The following THOC2 variants were observed in gnomAD, a reference collection of about 807,000 sequenced individuals.
THOC2 encodes THO complex 2.
A neutral mutation model predicts 128.4 loss-of-function variants in THOC2; 10 were observed. The observed-to-expected ratio is 0.08, with a 90% CI of 0.05 to 0.13. THOC2 has a LOEUF of 0.13. Among genes scored for constraint, THOC2 ranks in the 10% least tolerant of loss-of-function variants. The pLI is 1.00. For missense variants in THOC2, 535 were observed against 1,155.7 expected, an observed-to-expected ratio of 0.46 and a Z score of 7.79; for synonymous variants, 393 against 396.9, an observed-to-expected ratio of 0.99 and a Z score of 0.12.
At chrX:123,713,968 G>C (rs2051304814) in intron 1 of THOC2, among the ~76,000 whole-genome samples, 1 of 111,248 alleles carries the variant, frequency 9.0e-6, no homozygotes, top group South Asian at 3.7e-4. Flanking sequence ...TACAGAAAAA[G>C]ACAACAGAGG....
At chrX:123,723,988 C>A (rs1345217139) in intron 1 of THOC2, among the ~76,000 whole-genome samples, 1 of 111,500 alleles carries the variant, frequency 9.0e-6, no homozygotes, top group African/African-American at 3.3e-5. Flanking sequence ...GGTTTCATGA[C>A]TTCTCTGTAT....
At chrX:123,693,304 C>T (rs775998457) in intron 7 of THOC2, among the ~76,000 whole-genome samples, 1 of 111,320 alleles carries the variant, frequency 9.0e-6, no homozygotes, top group Non-Finnish European at 1.9e-5. Context: ...ACTAAAAACA[C>T]ACACACAAAA....
intron 25 of THOC2, among the ~76,000 whole-genome samples, chrX:123,625,388 G>A (rs1464933664): frequency 8.9e-6 from 1 of 111,818 alleles, no homozygotes; most frequent in African/African-American, 3.2e-5. Flanking sequence ...ATGAGCCACC[G>A]CACCCGGCCA....
chrX:123,608,401 AAAAC>A (rs1004907706), intron 38 of THOC2, among the ~76,000 whole-genome samples: 1 of 103,533 alleles, frequency 9.7e-6, no homozygotes, highest in African/African-American at 3.6e-5. Flanking sequence ...ACTCCATCTC[AAAAC>A]AAACAAACAA....
At chrX:123,659,663 A>G (rs17259498) in intron 12 of THOC2, among the ~76,000 whole-genome samples, 2,145 of 112,749 alleles carry the variant, frequency 0.019, 19 homozygotes, top group Non-Finnish European at 0.029. Flanking sequence ...CCTATATACT[A>G]CATACCTCAA....
chrX:123,636,968 G>A (rs2047698314), intron 18 of THOC2, among the ~76,000 whole-genome samples: 2 of 111,998 alleles, frequency 1.8e-5, no homozygotes, highest in Non-Finnish European at 3.8e-5. Flanking sequence ...TCAGACTTGT[G>A]GGTGGGAGCA....
At chrX:123,710,809 G>A (rs2051150069) in intron 2 of THOC2, among the ~76,000 whole-genome samples, 1 of 107,836 alleles carries the variant, frequency 9.3e-6, no homozygotes, top group Non-Finnish European at 1.9e-5. Flanking sequence ...GGCCAACATG[G>A]TGAAACCCCG....
chrX:123,654,262 G>A (rs962061276), intron 12 of THOC2, among the ~76,000 whole-genome samples: 3 of 109,883 alleles, frequency 2.7e-5, no homozygotes, highest in Non-Finnish European at 5.7e-5. Flanking sequence ...TAGCAGGGTA[G>A]GGGGTTAGGG....
At chrX:123,603,239 T>C (rs918447781) in intron 38 of THOC2, 4 of 140,496 alleles carry the variant, frequency 2.8e-5, no homozygotes, top group African/African-American at 1.3e-4. Context: ...ATAAAATTGC[T>C]GTTGCTGTTA....
chrX:123,680,691 C>T lies in THOC2; in HGVS notation c.768+5857G>A, dbSNP rs867698685. On this transcript the variant is annotated intron_variant, in intron 8 of 38. Coordinates refer to ENST00000245838, the MANE Select transcript of THOC2 (RefSeq NM_001081550.2). The stretch of plus-strand genomic sequence containing the variant: ...TAAGAGACATCTCAAACTTAACATG[C>T]GCAAAGTGAATTCCTAATTCTCCCT... Among the ~76,000 whole-genome samples the T allele has an allele frequency of 5.4e-5, 6 of 110,944 alleles. No homozygotes were observed. In the East Asian group the frequency reaches 1.4e-3, roughly 26 times the overall value.
At chrX:123,640,084 G>A (rs1448383710) in intron 16 of THOC2, among the ~76,000 whole-genome samples, 2 of 111,736 alleles carry the variant, frequency 1.8e-5, no homozygotes, top group African/African-American at 6.5e-5. Context: ...CTACTTGGGA[G>A]GCTGAGGCAG....
Position 123,708,095 on chromosome X carries a change from A to AAAAAAT in THOC2, c.131-1152_131-1147dup, listed in dbSNP as rs955874521. Reference sequence around the variant, plus strand: ...TGAGTTGTGATAGCACCATTGTCTCAAAAAATAAAAATAAAAATAAAAATA... The same window carrying AAAAAAT: ...TGAGTTGTGATAGCACCATTGTCTCAAAAAATAAAAATAAAAATAAAAATAAAAATA... On this transcript the variant is annotated intron_variant, in intron 2 of 38. Coordinates refer to ENST00000245838, the MANE Select transcript of THOC2 (RefSeq NM_001081550.2). Among the ~76,000 whole-genome samples the AAAAAAT allele has an allele frequency of 9.9e-5, 11 of 111,105 alleles. No homozygotes were observed. The South Asian group carries it at 1.5e-3, about 15-fold the overall frequency.
Position 123,631,549 on chromosome X carries a change from C to T in THOC2, c.2481+139G>A, listed in dbSNP as rs773473151. Reference sequence around the variant, plus strand: ...TACCTCTACCACACAGCTTCGTACCCCTATTGGAAACAAAGAAGGGATCCT... The same window carrying T: ...TACCTCTACCACACAGCTTCGTACCTCTATTGGAAACAAAGAAGGGATCCT... On this transcript the variant is annotated intron_variant, in intron 22 of 38. Transcript: ENST00000245838. 1.4e-4 allele frequency: 86 copies of T among 615,850 alleles called. No individual in the cohort carries two copies. The South Asian group carries it at 2.4e-3, about 18-fold the overall frequency. The allele number at this position is 615,850 out of a possible 1,213,427, so 50.8% of individuals were successfully genotyped here. A position where few individuals can be genotyped will look rare whatever the true frequency, so the allele number is the denominator to read the frequency against.
rs2047743836 is a variant in THOC2 at position 123,638,059 on chromosome X, G to A, written c.1905C>T (p.Ile635=). The A allele has an allele frequency of 8.3e-7, 1 of 1,198,814 alleles. No homozygotes were observed. Among genetic ancestry groups the A allele is most frequent in the East Asian group, 3.0e-5 (1 of 33,614 alleles). The part of the protein sequence containing the change: ...KERMKHDDTT[I]SSWLQSLASF... ...AATACTTACTCTGAAGCCAGCTTGA[G>A]ATGGTTGTGTCATCATGTTTCATTC... Residue 635 remains isoleucine, a synonymous_variant, in exon 18 of 39, where the codon ATC becomes ATT. Coordinates refer to ENST00000245838, the MANE Select transcript of THOC2 (RefSeq NM_001081550.2).
intron 1 of THOC2, among the ~76,000 whole-genome samples, chrX:123,720,827 G>A (rs1031885659): frequency 8.9e-6 from 1 of 112,140 alleles, no homozygotes; most frequent in Non-Finnish European, 1.9e-5. Flanking sequence ...GACAAATACT[G>A]TATGATTCTA....
At chrX:123,729,583 A>G (rs754443765) in intron 1 of THOC2, among the ~76,000 whole-genome samples, 2 of 112,430 alleles carry the variant, frequency 1.8e-5, no homozygotes, top group South Asian at 7.3e-4. Context: ...CATGAAATAT[A>G]TCACATTATT....
intron 28 of THOC2, 39 bp downstream of exon 28, chrX:123,623,748 T>C (rs770865999): frequency 8.3e-7 from 1 of 1,198,405 alleles, no homozygotes; most frequent in Non-Finnish European, 1.1e-6. Flanking sequence ...CCTTCTGTCA[T>C]CTAGTCTTGT....
chrX:123,625,143 G>A (rs1445080945), intron 25 of THOC2, among the ~76,000 whole-genome samples: 1 of 111,480 alleles, frequency 9.0e-6, no homozygotes, highest in Admixed American at 9.5e-5. Context: ...CCAGGCTGGA[G>A]GGCCGTGGTG....
intron 1 of THOC2, among the ~76,000 whole-genome samples, chrX:123,715,553 G>A (rs988403563): frequency 5.5e-5 from 6 of 109,085 alleles, no homozygotes; most frequent in African/African-American, 1.3e-4. Context: ...AGGCTGAGGC[G>A]GGCAGATAGC....
Sources: allele counts gnomAD v4.1 joint callset (sites outside exome capture counted in the v4.1 genomes callset), GRCh38; gene constraint gnomAD v4.1.1; transcripts MANE v1.5; gene names NCBI Gene and HGNC (gene_info 2026-07-23, HGNC 2026-07-21).